Variants in COMMD10 observed in about 807,000 individuals in gnomAD.
The protein encoded by COMMD10 is COMM domain containing 10, also known as COMM domain-containing protein 10.
COMMD10 carries 33 observed loss-of-function variants against 28.9 expected under a neutral mutation model. The ratio of observed to expected loss-of-function variants is 1.14; its 90% CI spans 0.87 to 1.53. COMMD10 has a LOEUF of 1.53. Ranked by LOEUF, COMMD10 falls within the 40% of genes most tolerant of loss-of-function variation. COMMD10 has a pLI of 0.00. For missense variants in COMMD10, 310 were observed against 233.4 expected, an observed-to-expected ratio of 1.33 and a Z score of -2.14; for synonymous variants, 110 against 81.7, an observed-to-expected ratio of 1.35 and a Z score of -1.87.
intron 5 of COMMD10, among the ~76,000 whole-genome samples, chr5:116,242,866 G>C (rs571201733): frequency 6.6e-6 from 1 of 152,126 alleles, no homozygotes; most frequent in East Asian, 1.9e-4. Context: ...AATAATCGTT[G>C]GATAGGCTTC....
intron 5 of COMMD10, among the ~76,000 whole-genome samples, chr5:116,259,410 A>T (rs987092871): frequency 6.6e-6 from 1 of 151,356 alleles, no homozygotes; most frequent in African/African-American, 2.4e-5. Flanking sequence ...TATCTTTTCA[A>T]ATCTCACTGA....
At chr5:116,113,750 GA>G (rs1751136768) in intron 4 of COMMD10, among the ~76,000 whole-genome samples, 1 of 151,848 alleles carries the variant, frequency 6.6e-6, no homozygotes, top group Non-Finnish European at 1.5e-5. Flanking sequence ...GAACTTAATT[GA>G]AATCAAAATA....
chr5:116,244,992 A>G (rs1749905091), intron 5 of COMMD10, among the ~76,000 whole-genome samples: 1 of 151,968 alleles, frequency 6.6e-6, no homozygotes, highest in Non-Finnish European at 1.5e-5. Flanking sequence ...TCAGAGCTGA[A>G]TTGAAGGAGA....
intron 4 of COMMD10, among the ~76,000 whole-genome samples, chr5:116,118,869 A>G (rs751045625): frequency 6.6e-6 from 1 of 152,242 alleles, no homozygotes; most frequent in African/African-American, 2.4e-5. Context: ...CCACTGCATA[A>G]GTAATTGGCT....
intron 4 of COMMD10, among the ~76,000 whole-genome samples, chr5:116,113,764 G>T (rs1175336983): frequency 6.6e-6 from 1 of 151,870 alleles, no homozygotes; most frequent in Non-Finnish European, 1.5e-5. Flanking sequence ...TCAAAATATT[G>T]AATTCTTTGG....
In COMMD10 at chr5:116,127,554, A is replaced by T. The variant is rs545246301; in HGVS notation, c.400-6514A>T. Among the ~76,000 whole-genome samples, 40 of 152,312 alleles carry T rather than the reference A, an allele frequency of 2.6e-4. 1 individual carries two copies. The South Asian group carries it at 3.9e-3, about 15-fold the overall frequency. ...ATTTCCGTCAATGATAGACTGGATT[A>T]AGAAAATGTGGCACATATACACCAT... is the stretch of plus-strand genomic sequence containing the variant. On this transcript the variant is annotated intron_variant, in intron 4 of 6. Coordinates refer to ENST00000274458, the MANE Select transcript of COMMD10 (RefSeq NM_016144.4).
At chr5:116,148,409 G>C (rs899876269) in intron 5 of COMMD10, among the ~76,000 whole-genome samples, 2 of 151,694 alleles carry the variant, frequency 1.3e-5, no homozygotes, top group African/African-American at 2.4e-5. Context: ...GTTTCTTTCA[G>C]ACATAAAGAA....
At chr5:116,178,051 C>G (rs944444285) in intron 5 of COMMD10, among the ~76,000 whole-genome samples, 2 of 151,978 alleles carry the variant, frequency 1.3e-5, no homozygotes, top group Admixed American at 6.6e-5. Context: ...TATTTGGGCT[C>G]TTTTGTGTTT....
At chr5:116,150,651 C>G (rs1752494595) in intron 5 of COMMD10, among the ~76,000 whole-genome samples, 1 of 142,956 alleles carries the variant, frequency 7.0e-6, no homozygotes, top group Admixed American at 7.0e-5. Context: ...TGATTTGGCT[C>G]TCTGTTTGTC....
chr5:116,159,436 G>C (rs1752844739), intron 5 of COMMD10, among the ~76,000 whole-genome samples: 1 of 152,168 alleles, frequency 6.6e-6, no homozygotes, highest in Non-Finnish European at 1.5e-5. Flanking sequence ...TCATTGGAGA[G>C]AGGCCTTTCC....
intron 5 of COMMD10, among the ~76,000 whole-genome samples, chr5:116,203,862 A>G (rs1488351048): frequency 3.9e-5 from 6 of 152,106 alleles, no homozygotes; most frequent in African/African-American, 1.4e-4. Context: ...CTAACATCAT[A>G]ATGACAGGAT....
At chr5:116,153,974 A>G (rs1235500457) in intron 5 of COMMD10, among the ~76,000 whole-genome samples, 3 of 152,098 alleles carry the variant, frequency 2.0e-5, no homozygotes, top group Non-Finnish European at 1.5e-5. Context: ...GGCATAAAAT[A>G]GAATCCATAC....
At chr5:116,208,067 G>A (rs897157513) in intron 5 of COMMD10, among the ~76,000 whole-genome samples, 9 of 152,106 alleles carry the variant, frequency 5.9e-5, no homozygotes, top group African/African-American at 2.2e-4. Context: ...TACTAGAAAA[G>A]TTGAAGAAAT....
At chr5:116,287,065 G>T (rs1031437867) in intron 5 of COMMD10, among the ~76,000 whole-genome samples, 1 of 151,762 alleles carries the variant, frequency 6.6e-6, no homozygotes, top group East Asian at 1.9e-4. Context: ...ATTGTGATAG[G>T]TTCTTGGAAA....
intron 5 of COMMD10, among the ~76,000 whole-genome samples, chr5:116,190,312 G>A (rs535264228): frequency 2.0e-5 from 3 of 152,224 alleles, no homozygotes; most frequent in African/African-American, 7.2e-5. Context: ...TAAATATGCA[G>A]CTAAAATATA....
chr5:116,195,634 C>T (rs1319293505), intron 5 of COMMD10, among the ~76,000 whole-genome samples: 1 of 151,976 alleles, frequency 6.6e-6, no homozygotes, highest in African/African-American at 2.4e-5. Flanking sequence ...AGAAAAACTA[C>T]AAAAGACTAC....
At chr5:116,183,971 G>T (rs945450601) in intron 5 of COMMD10, among the ~76,000 whole-genome samples, 1 of 152,096 alleles carries the variant, frequency 6.6e-6, no homozygotes, top group African/African-American at 2.4e-5. Context: ...TTTGGATTTT[G>T]TGTGGATTTT....
intron 5 of COMMD10, among the ~76,000 whole-genome samples, chr5:116,173,798 C>T (rs967886972): frequency 2.0e-5 from 3 of 149,636 alleles, no homozygotes; most frequent in African/African-American, 7.4e-5. Flanking sequence ...CTTGTTAATC[C>T]ATTTTTTTTC....
intron 5 of COMMD10, among the ~76,000 whole-genome samples, chr5:116,269,722 A>G (rs75092927): frequency 0.028 from 4,243 of 151,780 alleles, 263 homozygotes; most frequent in African/African-American, 0.097. Flanking sequence ...AAAAGAAAGT[A>G]TTGATTTTTG....
Sources: allele counts gnomAD v4.1 joint callset (sites outside exome capture counted in the v4.1 genomes callset), GRCh38; gene constraint gnomAD v4.1.1; transcripts MANE v1.5; gene names NCBI Gene and HGNC (gene_info 2026-07-23, HGNC 2026-07-21).